Variants in OSBPL11 observed in about 807,000 individuals in gnomAD.
OSBPL11 encodes oxysterol-binding protein-related protein 11.
In OSBPL11, 33 loss-of-function variants were observed where a neutral mutation model predicts 84.4. That is an observed-to-expected ratio of 0.39 (90% CI 0.30 to 0.52). The LOEUF (loss-of-function observed/expected upper bound fraction) is 0.52, where lower values mean the gene tolerates loss of function less well. OSBPL11 is among the 20% of genes least tolerant of loss of function. The pLI, the probability that OSBPL11 is intolerant of heterozygous loss-of-function variation, is 0.72. For synonymous variants in OSBPL11, 276 were observed against 310.2 expected (o/e 0.89, Z 1.16); for missense variants, 736 against 901.1 (o/e 0.82, Z 2.35).
intron 7 of OSBPL11, 90 bp downstream of exon 7, chr3:125,563,608 T>C: frequency 8.0e-7 from 1 of 1,253,812 alleles, no homozygotes; most frequent in Non-Finnish European, 1.1e-6. Flanking sequence ...GTTAAGTTGA[T>C]GTGCATGAGC....
At chr3:125,530,974 T>C (rs1172623394) in intron 12 of OSBPL11, among the ~76,000 whole-genome samples, 1 of 129,004 alleles carries the variant, frequency 7.8e-6, no homozygotes, top group Non-Finnish European at 1.6e-5. Context: ...GAACTCATTT[T>C]TTTTCTTTCC....
intron 5 of OSBPL11, among the ~76,000 whole-genome samples, chr3:125,570,748 CCTT>C (rs1351990787): frequency 1.3e-5 from 2 of 152,186 alleles, no homozygotes; most frequent in African/African-American, 4.8e-5. Flanking sequence ...ACTTGCTCCT[CCTT>C]GACTTCCGCC....
intron 4 of OSBPL11, 92 bp downstream of exon 4, chr3:125,578,868 T>A: frequency 1.4e-6 from 1 of 698,738 alleles, no homozygotes; most frequent in Non-Finnish European, 2.3e-6. Context: ...AATTTTACGG[T>A]ATATGAATAG....
At chr3:125,551,677 C>A (rs1240239492) in intron 9 of OSBPL11, among the ~76,000 whole-genome samples, 1 of 152,006 alleles carries the variant, frequency 6.6e-6, no homozygotes, top group African/African-American at 2.4e-5. Flanking sequence ...ACTCGTGAGT[C>A]TGAGGCAGGA....
At chr3:125,584,162 C>T (rs1936471384) in intron 1 of OSBPL11, among the ~76,000 whole-genome samples, 1 of 151,992 alleles carries the variant, frequency 6.6e-6, no homozygotes, top group Non-Finnish European at 1.5e-5. Context: ...GTCAGGAGTT[C>T]GAGACCAGCC....
chr3:125,590,393 T>TA (rs1364734137), intron 1 of OSBPL11, among the ~76,000 whole-genome samples: 1 of 151,966 alleles, frequency 6.6e-6, no homozygotes, highest in Admixed American at 6.6e-5. Context: ...CTACTAAAAA[T>TA]ACAAAAATCA....
Position 125,529,259 on chromosome 3 carries a change from A to C in OSBPL11, c.*1256T>G, listed in dbSNP as rs115610247. On this transcript the variant is annotated 3_prime_UTR_variant, in exon 13 of 13. Transcript: ENST00000296220. ...GTAACAAGTGTTGAGCACCATAATA[A>C]GTAGGTGCTCAATAAATACATGAAT... 5,107 of 152,628 alleles carry C rather than the reference A, an allele frequency of 0.033. 145 individuals are homozygous for C. Among genetic ancestry groups the C allele is most frequent in the Non-Finnish European group, 0.053 (3,637 of 68,020 alleles). The allele number at this position is 152,628 out of a possible 1,614,324, so 9.5% of individuals were successfully genotyped here. A position where few individuals can be genotyped will look rare whatever the true frequency, so the allele number is the denominator to read the frequency against.
At position 125,585,007 on chromosome 3, in the gene OSBPL11, T is replaced by A. The variant is rs572675315; in HGVS notation, c.165-2029A>T. Among the ~76,000 whole-genome samples the A allele has an allele frequency of 2.0e-4, 30 of 152,298 alleles. No individual in the cohort carries two copies. The South Asian group carries it at 6.2e-3, about 32-fold the overall frequency. On this transcript the variant is annotated intron_variant, in intron 1 of 12. Coordinates refer to ENST00000296220, the MANE Select transcript of OSBPL11 (RefSeq NM_022776.5). ...GTTGCCCAGGCTGCTCTCAAACTCCTGGGCTCAAGCGATCTTTCCACTTTG... is the reference window on the plus strand; with the variant it reads ...GTTGCCCAGGCTGCTCTCAAACTCCAGGGCTCAAGCGATCTTTCCACTTTG...
chr3:125,563,887 C>T (rs1197169106), intron 6 of OSBPL11, 44 bp from the exon 7 acceptor site: 1 of 1,603,274 alleles, frequency 6.2e-7, no homozygotes, highest in East Asian at 2.2e-5. Context: ...TGCTCATAAT[C>T]TAGAAAGTTC....
chr3:125,538,961 CA>C (rs147505224), intron 10 of OSBPL11, among the ~76,000 whole-genome samples: 2,154 of 151,874 alleles, frequency 0.014, 25 homozygotes, highest in Non-Finnish European at 0.023. Context: ...ATGAAAAAAT[CA>C]ATATTTATTA....
At chr3:125,570,481 G>C (rs1202390394) in intron 5 of OSBPL11, among the ~76,000 whole-genome samples, 2 of 152,086 alleles carry the variant, frequency 1.3e-5, no homozygotes, top group Non-Finnish European at 2.9e-5. Flanking sequence ...CTCCAGCCTG[G>C]CAACAATGAG....
intron 10 of OSBPL11, 42 bp from the exon 11 acceptor site, chr3:125,538,675 T>A: frequency 6.5e-7 from 1 of 1,526,766 alleles, no homozygotes; most frequent in Non-Finnish European, 8.8e-7. Flanking sequence ...TAATAAGTGA[T>A]ATCATGTTTG....
At chr3:125,576,445 G>T in intron 4 of OSBPL11, 80 bp from the exon 5 acceptor site, 1 of 1,082,484 alleles carries the variant, frequency 9.2e-7, no homozygotes, top group Non-Finnish European at 1.3e-6. Context: ...ATACACTTAA[G>T]ATTTACACAT....
At chr3:125,533,673 C>T (rs1189681657) in intron 11 of OSBPL11, among the ~76,000 whole-genome samples, 1 of 152,012 alleles carries the variant, frequency 6.6e-6, no homozygotes, top group Admixed American at 6.6e-5. Context: ...CCATAAATAA[C>T]CAAAGACATT....
At chr3:125,593,136 TG>T (rs2107615748) in intron 1 of OSBPL11, among the ~76,000 whole-genome samples, 1 of 152,300 alleles carries the variant, frequency 6.6e-6, no homozygotes, top group South Asian at 2.1e-4. Flanking sequence ...CAAATGTGAA[TG>T]CCAGGGCCGC....
In OSBPL11 at chr3:125,570,422, C is replaced by T. The variant is rs541058823; in HGVS notation, c.667-2827G>A. On this transcript the variant is annotated intron_variant, in intron 5 of 12. Transcript: ENST00000296220. ...ATCCCAGCTACTTGGGAGGCTGAGG[C>T]GGGAGGACTACTTGAGCTCAAGAGT... Among the ~76,000 whole-genome samples the T allele has an allele frequency of 2.3e-4, 35 of 151,510 alleles. No individual in the cohort carries two copies. In the South Asian group the frequency reaches 6.3e-3, roughly 27 times the overall value.
intron 5 of OSBPL11, among the ~76,000 whole-genome samples, chr3:125,570,399 C>G (rs1936226055): frequency 6.6e-6 from 1 of 151,098 alleles, no homozygotes; most frequent in African/African-American, 2.4e-5. Flanking sequence ...TGCCTGTAAT[C>G]CCAGCTACTT....
intron 5 of OSBPL11, among the ~76,000 whole-genome samples, chr3:125,571,149 G>A (rs1020900563): frequency 7.9e-5 from 12 of 152,184 alleles, no homozygotes; most frequent in Non-Finnish European, 1.3e-4. Flanking sequence ...ACTCTTGTTA[G>A]GTTTTAGCAA....
At chr3:125,541,834 C>T (rs1332239677) in intron 10 of OSBPL11, among the ~76,000 whole-genome samples, 1 of 152,198 alleles carries the variant, frequency 6.6e-6, no homozygotes, top group East Asian at 1.9e-4. Flanking sequence ...CCTCCCACCT[C>T]AGCTTCCCAA....
Sources: allele counts gnomAD v4.1 joint callset (sites outside exome capture counted in the v4.1 genomes callset), GRCh38; gene constraint gnomAD v4.1.1; transcripts MANE v1.5; gene names NCBI Gene and HGNC (gene_info 2026-07-23, HGNC 2026-07-21).